POU6F2: variants seen among roughly 807,000 people sequenced by gnomAD.
The protein encoded by POU6F2 is POU class 6 homeobox 2.
POU6F2 carries 31 observed loss-of-function variants against 71.3 expected under a neutral mutation model. The observed-to-expected ratio is 0.43, with a 90% CI of 0.33 to 0.59. The LOEUF (loss-of-function observed/expected upper bound fraction) is 0.59, where lower values mean the gene tolerates loss of function less well. POU6F2 is among the 20% of genes least tolerant of loss of function. The probability of loss-of-function intolerance (pLI) is 0.04; values close to 1 mark genes in which losing one functional copy is unlikely to be tolerated. For synonymous variants in POU6F2, 347 were observed against 355.7 expected, an observed-to-expected ratio of 0.98 and a Z score of 0.27; for missense variants, 783 against 856.8, an observed-to-expected ratio of 0.91 and a Z score of 1.07.
At chr7:39,216,522 G>A (rs979013093) in intron 4 of POU6F2, among the ~76,000 whole-genome samples, 1 of 152,122 alleles carries the variant, frequency 6.6e-6, no homozygotes, top group Non-Finnish European at 1.5e-5. Context: ...TTGCTGAAGT[G>A]GGGGACAGGT....
chr7:39,160,454 C>T (rs966492907), intron 2 of POU6F2, among the ~76,000 whole-genome samples: 5 of 152,176 alleles, frequency 3.3e-5, no homozygotes, highest in South Asian at 2.1e-4. Context: ...TGTCCCAGTC[C>T]GCACCTATGA....
chr7:39,010,713 G>A (rs1174090312), intron 1 of POU6F2, among the ~76,000 whole-genome samples: 2 of 139,340 alleles, frequency 1.4e-5, no homozygotes, highest in Non-Finnish European at 3.1e-5. Context: ...CAGAGATTCT[G>A]GTATGTTGTG....
intron 4 of POU6F2, among the ~76,000 whole-genome samples, chr7:39,270,719 C>A (rs879570912): frequency 6.6e-6 from 1 of 152,048 alleles, no homozygotes; most frequent in African/African-American, 2.4e-5. Flanking sequence ...GTCGCGGAGT[C>A]CCCTGGTGCA....
intron 1 of POU6F2, among the ~76,000 whole-genome samples, chr7:39,036,048 G>T (rs576215315): frequency 1.3e-5 from 2 of 152,204 alleles, no homozygotes; most frequent in South Asian, 4.1e-4. Flanking sequence ...TGAGGCGTGC[G>T]GGAGAGGAGA....
chr7:39,070,373 CCCTCCACACTTCTGCTTTTG>C (rs368493023), intron 1 of POU6F2, among the ~76,000 whole-genome samples: 2,073 of 151,934 alleles, frequency 0.014, 43 homozygotes, highest in African/African-American at 0.046. Flanking sequence ...CCAGGCATCT[CCCTCCACACTTCTGCTTTTG>C]CCTCCACACT....
chr7:39,418,213 A>C (rs886290032), intron 6 of POU6F2, among the ~76,000 whole-genome samples: 12 of 152,244 alleles, frequency 7.9e-5, no homozygotes, highest in African/African-American at 2.4e-4. Context: ...AAATGGCTAG[A>C]ACGGCATCTG....
intron 4 of POU6F2, among the ~76,000 whole-genome samples, chr7:39,307,575 T>C (rs778702171): frequency 6.6e-6 from 1 of 152,222 alleles, no homozygotes; most frequent in Non-Finnish European, 1.5e-5. Flanking sequence ...TGAAAAATTA[T>C]TCATTCTTAC....
intron 1 of POU6F2, 71 bp from the exon 2 acceptor site, chr7:39,085,789 G>C: frequency 6.9e-7 from 1 of 1,455,780 alleles, no homozygotes. Flanking sequence ...GAGGGAGAGG[G>C]AGAGAGAGGA....
At chr7:39,283,059 T>A (rs10258927) in intron 4 of POU6F2, among the ~76,000 whole-genome samples, 5,211 of 152,194 alleles carry the variant, frequency 0.034, 294 homozygotes, top group African/African-American at 0.12. Context: ...ACGGGATTGC[T>A]TTCTTGACTT....
intron 7 of POU6F2, among the ~76,000 whole-genome samples, chr7:39,442,772 C>T (rs1380408023): frequency 1.3e-5 from 2 of 152,136 alleles, no homozygotes; most frequent in African/African-American, 4.8e-5. Context: ...CTGCTAAAAA[C>T]CTTTTCTGTC....
At chr7:39,087,313 G>A (rs1450694808) in intron 2 of POU6F2, among the ~76,000 whole-genome samples, 4 of 151,824 alleles carry the variant, frequency 2.6e-5, no homozygotes, top group Non-Finnish European at 4.4e-5. Flanking sequence ...TTAGAGAGAT[G>A]TCACAGAGAA....
intron 8 of POU6F2, among the ~76,000 whole-genome samples, chr7:39,458,269 A>G (rs185572823): frequency 4.6e-5 from 7 of 152,278 alleles, no homozygotes; most frequent in Admixed American, 6.5e-5. Flanking sequence ...GTTCCAGCCC[A>G]CTGGACATTA....
At chr7:39,017,640 C>G (rs980448113) in intron 1 of POU6F2, among the ~76,000 whole-genome samples, 7 of 152,148 alleles carry the variant, frequency 4.6e-5, no homozygotes, top group Non-Finnish European at 7.3e-5. Flanking sequence ...ACTACAAGCC[C>G]CCTTATCCAC....
At chr7:39,218,051 A>G (rs1794276339) in intron 4 of POU6F2, among the ~76,000 whole-genome samples, 1 of 152,222 alleles carries the variant, frequency 6.6e-6, no homozygotes, top group African/African-American at 2.4e-5. Flanking sequence ...CAGTTTGCAC[A>G]TAATAAGGCT....
At chr7:39,079,182 T>TC (rs1322978336) in intron 1 of POU6F2, among the ~76,000 whole-genome samples, 2 of 101,646 alleles carry the variant, frequency 2.0e-5, no homozygotes, top group African/African-American at 7.8e-5. Flanking sequence ...CACAATATCT[T>TC]TTTTTTTTTT....
At chr7:39,088,630 G>A (rs751686028) in intron 2 of POU6F2, among the ~76,000 whole-genome samples, 137 of 152,140 alleles carry the variant, frequency 9.0e-4, no homozygotes, top group Non-Finnish European at 1.5e-3. Context: ...TATATACACC[G>A]TATTATTGAA....
At chr7:39,456,081 G>C (rs1269068808) in intron 8 of POU6F2, among the ~76,000 whole-genome samples, 2 of 152,188 alleles carry the variant, frequency 1.3e-5, no homozygotes, top group Non-Finnish European at 2.9e-5. Flanking sequence ...TCAGGCTCAT[G>C]TAATCTGGAG....
At chr7:39,280,276 C>T (rs577872615) in intron 4 of POU6F2, among the ~76,000 whole-genome samples, 204 of 152,282 alleles carry the variant, frequency 1.3e-3, no homozygotes, top group African/African-American at 4.7e-3. Context: ...AAGGTGTGTG[C>T]AGATGGCTTG....
chr7:39,021,852 T>A (rs1354035175), intron 1 of POU6F2, among the ~76,000 whole-genome samples: 3 of 152,126 alleles, frequency 2.0e-5, no homozygotes, highest in Non-Finnish European at 2.9e-5. Flanking sequence ...TTAATGTTTG[T>A]TTAGAAACTC....
Sources: allele counts gnomAD v4.1 joint callset (sites outside exome capture counted in the v4.1 genomes callset), GRCh38; gene constraint gnomAD v4.1.1; transcripts MANE v1.5; gene names NCBI Gene and HGNC (gene_info 2026-07-23, HGNC 2026-07-21).